Variants in ARL8B observed in about 807,000 individuals in gnomAD.
ARL8B encodes ARF like GTPase 8B.
In ARL8B, 9 loss-of-function variants were observed where a neutral mutation model predicts 30.6. That is an observed-to-expected ratio of 0.29 (90% CI 0.18 to 0.51). The LOEUF (loss-of-function observed/expected upper bound fraction) is 0.51. Among genes scored for constraint, ARL8B ranks in the 20% least tolerant of loss-of-function variants. The pLI is 0.97. For synonymous variants in ARL8B, 74 were observed against 76.0 expected, an observed-to-expected ratio of 0.97 and a Z score of 0.14; for missense variants, 130 against 227.2, an observed-to-expected ratio of 0.57 and a Z score of 2.75.
rs759802959 is a variant in ARL8B, at chr3:5,130,179, TA to T, written c.123+7600del. 5.8e-3 allele frequency among the ~76,000 whole-genome samples: 817 copies of T among 140,278 alleles called. 7 individuals are homozygous for T. The highest frequency in any genetic ancestry group is 0.023 in the African/African-American group (762 of 33,582). 92.0% of individuals were successfully genotyped at this position (140,278 alleles called of 152,430 possible). A position where few individuals can be genotyped will look rare whatever the true frequency, so the allele number is the denominator to read the frequency against. ...GCACCTGACCAAGGTCATATTCTCT[TA>T]AAAAAAAATATATATTTTTTTTTTG... On this transcript the variant is annotated intron_variant, in intron 1 of 6. Coordinates refer to ENST00000256496, the MANE Select transcript of ARL8B (RefSeq NM_018184.3).
chr3:5,124,471 C>G (rs1055891864), intron 1 of ARL8B, among the ~76,000 whole-genome samples: 5 of 151,108 alleles, frequency 3.3e-5, no homozygotes, highest in African/African-American at 1.2e-4. Flanking sequence ...GAATTTTTTT[C>G]TTTTCTTTTT....
At chr3:5,169,643 TG>T (rs1177792600) in intron 1 of ARL8B, among the ~76,000 whole-genome samples, 1 of 152,002 alleles carries the variant, frequency 6.6e-6, no homozygotes, top group Admixed American at 6.6e-5. Flanking sequence ...ATTTCCCTAA[TG>T]ATTAGTGAGT....
intron 6 of ARL8B, among the ~76,000 whole-genome samples, chr3:5,175,166 T>C (rs2054718471): frequency 6.6e-6 from 1 of 152,148 alleles, no homozygotes; most frequent in South Asian, 2.1e-4. Context: ...CGAAATGACA[T>C]ACAGTAGGCC....
intron 1 of ARL8B, among the ~76,000 whole-genome samples, chr3:5,144,503 C>T (rs1340401726): frequency 6.6e-6 from 1 of 152,194 alleles, no homozygotes; most frequent in Admixed American, 6.5e-5. Context: ...CCCATTGACT[C>T]CCTTTGTGTA....
chr3:5,174,781 A>T (rs574219363), intron 6 of ARL8B, among the ~76,000 whole-genome samples: 9 of 145,934 alleles, frequency 6.2e-5, no homozygotes, highest in South Asian at 2.1e-4. Flanking sequence ...ATATAACATA[A>T]ATATATATAT....
intron 1 of ARL8B, among the ~76,000 whole-genome samples, chr3:5,124,396 G>A (rs912904417): frequency 5.3e-5 from 8 of 150,142 alleles, no homozygotes; most frequent in African/African-American, 1.2e-4. Context: ...ATGAGCCACC[G>A]TTCCTGGCCT....
At chr3:5,126,001 C>T (rs1449357422) in intron 1 of ARL8B, among the ~76,000 whole-genome samples, 1 of 151,764 alleles carries the variant, frequency 6.6e-6, no homozygotes, top group Non-Finnish European at 1.5e-5. Context: ...TAAATGTATA[C>T]AATTATGATT....
At chr3:5,158,089 C>T (rs2054547764) in intron 1 of ARL8B, among the ~76,000 whole-genome samples, 1 of 152,112 alleles carries the variant, frequency 6.6e-6, no homozygotes, top group Admixed American at 6.5e-5. Context: ...GATTGTCCTG[C>T]CTCAGCCTCC....
intron 1 of ARL8B, among the ~76,000 whole-genome samples, chr3:5,126,784 G>A (rs1390873917): frequency 6.6e-6 from 1 of 152,136 alleles, no homozygotes; most frequent in Non-Finnish European, 1.5e-5. Context: ...AAGGAATGAA[G>A]TATTTTTTCC....
At chr3:5,140,907 G>A (rs755787910) in intron 1 of ARL8B, among the ~76,000 whole-genome samples, 6 of 152,224 alleles carry the variant, frequency 3.9e-5, no homozygotes, top group South Asian at 2.1e-4. Flanking sequence ...TTTTATTGGC[G>A]GTCTTGCAAG....
intron 1 of ARL8B, among the ~76,000 whole-genome samples, chr3:5,122,993 C>T (rs969235500): frequency 1.3e-5 from 2 of 152,206 alleles, no homozygotes; most frequent in African/African-American, 2.4e-5. Context: ...GCAAATCCGT[C>T]AGCCGTACGA....
chr3:5,171,810 C>T (rs1317693203), intron 2 of ARL8B, among the ~76,000 whole-genome samples: 1 of 152,190 alleles, frequency 6.6e-6, no homozygotes. Context: ...CTGGATGGTG[C>T]ATGGTCCTGT....
At chr3:5,124,476 CT>C (rs541052972) in intron 1 of ARL8B, among the ~76,000 whole-genome samples, 12 of 150,926 alleles carry the variant, frequency 8.0e-5, no homozygotes, top group Non-Finnish European at 1.0e-4. Flanking sequence ...TTTTTCTTTT[CT>C]TTTTTGGAGA....
chr3:5,161,644 T>C (rs1171275312), intron 1 of ARL8B, among the ~76,000 whole-genome samples: 2 of 152,126 alleles, frequency 1.3e-5, no homozygotes, highest in African/African-American at 4.8e-5. Flanking sequence ...TCTGATTGAG[T>C]AAGAGGGTTT....
chr3:5,167,043 C>A (rs1020339654), intron 1 of ARL8B, among the ~76,000 whole-genome samples: 6 of 152,186 alleles, frequency 3.9e-5, no homozygotes, highest in African/African-American at 1.4e-4. Context: ...ATCCCAAGGT[C>A]ACATGACTTG....
chr3:5,174,139 C>T (rs2054703827), intron 5 of ARL8B, 55 bp downstream of exon 5: 2 of 1,488,026 alleles, frequency 1.3e-6, no homozygotes, highest in Non-Finnish European at 9.3e-7. Flanking sequence ...CATATTTTGC[C>T]CACTTGTTAT....
chr3:5,138,860 G>A (rs1276736936), intron 1 of ARL8B, among the ~76,000 whole-genome samples: 1 of 152,178 alleles, frequency 6.6e-6, no homozygotes. Flanking sequence ...GACTAATGGA[G>A]TGGCTTTACA....
chr3:5,156,247 G>GT, intron 1 of ARL8B, among the ~76,000 whole-genome samples: 1 of 151,994 alleles, frequency 6.6e-6, no homozygotes, highest in East Asian at 1.9e-4. Flanking sequence ...GTTTCTGTTG[G>GT]TTAATTTTTT....
chr3:5,174,320 T>G, intron 5 of ARL8B, 24 bp from the exon 6 acceptor site: 1 of 1,521,426 alleles, frequency 6.6e-7, no homozygotes, highest in Non-Finnish European at 9.1e-7. Context: ...AAGCACAGAC[T>G]TATCCTTTTA....
Sources: gnomAD v4.1 joint callset for allele counts (sites outside exome capture counted in the v4.1 genomes callset) on GRCh38, gnomAD v4.1.1 for gene constraint, MANE v1.5 for transcripts, NCBI Gene and HGNC (gene_info 2026-07-23, HGNC 2026-07-21) for gene names.